ULK4: variants seen among roughly 807,000 people sequenced by gnomAD.
ULK4 encodes the protein inactive serine/threonine-protein kinase ULK4.
Under a neutral mutation model 160.6 loss-of-function variants are expected in ULK4, and 133 were observed. The ratio of observed to expected loss-of-function variants is 0.83; its 90% CI spans 0.72 to 0.96. The LOEUF (loss-of-function observed/expected upper bound fraction) is 0.96, where lower values mean the gene tolerates loss of function less well. ULK4 is among the 40% of genes least tolerant of loss of function. The pLI is 0.00. For synonymous variants in ULK4, 534 were observed against 539.8 expected, an observed-to-expected ratio of 0.99 and a Z score of 0.15; for missense variants, 1,580 against 1,499.5, an observed-to-expected ratio of 1.05 and a Z score of -0.89.
chr3:41,827,630 C>G (rs2041408871), intron 18 of ULK4, among the ~76,000 whole-genome samples: 1 of 152,134 alleles, frequency 6.6e-6, no homozygotes, highest in South Asian at 2.1e-4. Flanking sequence ...AGACCAATAA[C>G]AGGATCTGAA....
chr3:41,910,877 C>T (rs1157804139), intron 11 of ULK4, among the ~76,000 whole-genome samples: 1 of 151,924 alleles, frequency 6.6e-6, no homozygotes, highest in Non-Finnish European at 1.5e-5. Context: ...GTGGCAAGAT[C>T]ACTTGAATCC....
chr3:41,455,409 T>C, intron 34 of ULK4, 88 bp downstream of exon 34: 1 of 1,246,552 alleles, frequency 8.0e-7, no homozygotes. Context: ...GGAATAAAAA[T>C]AACATAGAAA....
chr3:41,550,165 A>G (rs1691968), intron 32 of ULK4, among the ~76,000 whole-genome samples: 77,476 of 151,770 alleles, frequency 0.51, 19,889 homozygotes, highest in Middle Eastern at 0.57. Flanking sequence ...ATTCAAATGC[A>G]AGCATAACAT....
intron 34 of ULK4, among the ~76,000 whole-genome samples, chr3:41,447,675 T>A (rs1189907058): frequency 1.3e-5 from 2 of 152,186 alleles, no homozygotes; most frequent in African/African-American, 4.8e-5. Flanking sequence ...TCACCAATGC[T>A]GCCGGGATCC....
chr3:41,658,935 G>A (rs1410820179), intron 30 of ULK4, among the ~76,000 whole-genome samples: 2 of 152,066 alleles, frequency 1.3e-5, no homozygotes, highest in African/African-American at 4.8e-5. Flanking sequence ...ATTTTTATGA[G>A]GTAACATTCA....
intron 35 of ULK4, among the ~76,000 whole-genome samples, chr3:41,323,015 G>C (rs896919331): frequency 6.6e-6 from 1 of 151,610 alleles, no homozygotes; most frequent in Admixed American, 6.6e-5. Flanking sequence ...TCGGCTCACC[G>C]CAACTTCTGC....
At chr3:41,904,337 G>T (rs575750242) in intron 12 of ULK4, among the ~76,000 whole-genome samples, 1 of 152,094 alleles carries the variant, frequency 6.6e-6, no homozygotes, top group South Asian at 2.1e-4. Context: ...GCTGAGATGA[G>T]AGAATCACCT....
intron 31 of ULK4, among the ~76,000 whole-genome samples, chr3:41,596,571 G>C (rs1165512965): frequency 1.3e-5 from 2 of 152,146 alleles, no homozygotes; most frequent in Admixed American, 1.3e-4. Flanking sequence ...ATTTCTGTGA[G>C]GGTAAAGAAT....
At chr3:41,304,273 CAAAAA>C (rs368282598) in intron 35 of ULK4, among the ~76,000 whole-genome samples, 5 of 89,718 alleles carry the variant, frequency 5.6e-5, no homozygotes, top group African/African-American at 2.6e-4. Flanking sequence ...AGCTCCCCCT[CAAAAA>C]AAAAAAAAAA....
chr3:41,323,750 G>A (rs936328388), intron 35 of ULK4, among the ~76,000 whole-genome samples: 2 of 151,938 alleles, frequency 1.3e-5, no homozygotes, highest in African/African-American at 4.8e-5. Flanking sequence ...AGTGTAAGGG[G>A]GTTGCATTAA....
intron 32 of ULK4, among the ~76,000 whole-genome samples, chr3:41,521,470 T>C (rs1257520377): frequency 6.6e-6 from 1 of 151,536 alleles, no homozygotes; most frequent in Non-Finnish European, 1.5e-5. Context: ...GAAAATGAGT[T>C]ATTTCCCACC....
At chr3:41,482,161 G>A (rs901379155) in intron 32 of ULK4, among the ~76,000 whole-genome samples, 1 of 152,056 alleles carries the variant, frequency 6.6e-6, no homozygotes, top group Admixed American at 6.5e-5. Flanking sequence ...CCTCTTTTGG[G>A]GGCTGGATCA....
At chr3:41,790,316 A>T (rs1030693226) in intron 20 of ULK4, among the ~76,000 whole-genome samples, 3 of 152,260 alleles carry the variant, frequency 2.0e-5, no homozygotes, top group African/African-American at 7.2e-5. Flanking sequence ...ATAGATGATA[A>T]AACTAAAGCA....
intron 32 of ULK4, among the ~76,000 whole-genome samples, chr3:41,489,588 T>G (rs2084673188): frequency 6.6e-6 from 1 of 152,156 alleles, no homozygotes; most frequent in African/African-American, 2.4e-5. Context: ...CCCACCTCAG[T>G]AGGATTAGAT....
At chr3:41,961,018 T>C (rs900825131) in intron 1 of ULK4, among the ~76,000 whole-genome samples, 2 of 152,148 alleles carry the variant, frequency 1.3e-5, no homozygotes, top group Non-Finnish European at 1.5e-5. Flanking sequence ...CTTCATGGTT[T>C]TCTCACTCGA....
At chr3:41,496,442 C>T (rs2084993429) in intron 32 of ULK4, among the ~76,000 whole-genome samples, 1 of 151,888 alleles carries the variant, frequency 6.6e-6, no homozygotes, top group South Asian at 2.1e-4. Flanking sequence ...CCATAACCAC[C>T]CCAGCATTTT....
chr3:41,357,402 G>A lies in ULK4; in HGVS notation c.3678+40677C>T, dbSNP rs1033746686. On this transcript the variant is annotated intron_variant, in intron 35 of 36. Transcript: ENST00000301831. ...GTGAGGATGTGTTCATGGCGTGTGGGGTAGAACGCTCTCCGGAGTGCTCGG... is the reference window on the plus strand; with the variant it reads ...GTGAGGATGTGTTCATGGCGTGTGGAGTAGAACGCTCTCCGGAGTGCTCGG... Among the ~76,000 whole-genome samples, 6 of 152,214 alleles carry A rather than the reference G, an allele frequency of 3.9e-5. No individual in the cohort carries two copies. The East Asian group carries it at 5.8e-4, about 15-fold the overall frequency.
chr3:41,501,957 C>T (rs1158424096), intron 32 of ULK4, among the ~76,000 whole-genome samples: 1 of 152,218 alleles, frequency 6.6e-6, no homozygotes, highest in African/African-American at 2.4e-5. Flanking sequence ...ATTTCTCTTT[C>T]TGTGCCTGTC....
At chr3:41,957,995 G>T (rs1024177246) in intron 1 of ULK4, among the ~76,000 whole-genome samples, 3 of 146,274 alleles carry the variant, frequency 2.1e-5, no homozygotes, top group Non-Finnish European at 4.4e-5. Context: ...AGTGAGCCAA[G>T]ATCTCACCAC....
Sources: gnomAD v4.1 joint callset for allele counts (sites outside exome capture counted in the v4.1 genomes callset) on GRCh38, gnomAD v4.1.1 for gene constraint, MANE v1.5 for transcripts, NCBI Gene and HGNC (gene_info 2026-07-23, HGNC 2026-07-21) for gene names.